The following SLC25A21 variants were observed in gnomAD, a reference collection of about 807,000 sequenced individuals.
SLC25A21 encodes mitochondrial 2-oxodicarboxylate carrier.
Under a neutral mutation model 43.8 loss-of-function variants are expected in SLC25A21, and 47 were observed. The ratio of observed to expected loss-of-function variants is 1.07; its 90% CI spans 0.85 to 1.37. The LOEUF is 1.37. Ranked by LOEUF, SLC25A21 falls within the 40% of genes most tolerant of loss-of-function variation. The probability of loss-of-function intolerance (pLI) is 0.00; values close to 1 mark genes in which losing one functional copy is unlikely to be tolerated. For synonymous variants in SLC25A21, 131 were observed against 121.3 expected, an observed-to-expected ratio of 1.08 and a Z score of -0.52; for missense variants, 352 against 350.2, an observed-to-expected ratio of 1.00 and a Z score of -0.04.
intron 3 of SLC25A21, among the ~76,000 whole-genome samples, chr14:36,761,984 A>T (rs1177210002): frequency 1.3e-5 from 2 of 152,220 alleles, no homozygotes; most frequent in Non-Finnish European, 2.9e-5. Flanking sequence ...GTATAGCTCA[A>T]ATCTATTCAT....
chr14:37,051,198 A>T (rs1275647869), intron 1 of SLC25A21, among the ~76,000 whole-genome samples: 1 of 152,232 alleles, frequency 6.6e-6, no homozygotes, highest in Non-Finnish European at 1.5e-5. Context: ...AAATATTTTT[A>T]AAAGTAAGTT....
intron 1 of SLC25A21, among the ~76,000 whole-genome samples, chr14:37,121,027 A>G (rs1440179578): frequency 6.6e-6 from 1 of 152,172 alleles, no homozygotes; most frequent in Non-Finnish European, 1.5e-5. Flanking sequence ...TTCTTCGCAA[A>G]AAGTATTATG....
intron 1 of SLC25A21, among the ~76,000 whole-genome samples, chr14:37,016,423 C>T (rs1408563500): frequency 3.3e-5 from 5 of 152,114 alleles, no homozygotes; most frequent in Admixed American, 1.3e-4. Context: ...GGTACCAGTA[C>T]CATGCTGTTT....
At chr14:36,831,032 AT>A (rs1566656168) in intron 2 of SLC25A21, among the ~76,000 whole-genome samples, 1 of 152,200 alleles carries the variant, frequency 6.6e-6, no homozygotes, top group African/African-American at 2.4e-5. Context: ...GTAGATAGCA[AT>A]TTATATTTGT....
At chr14:37,123,845 G>C (rs767658101) in intron 1 of SLC25A21, among the ~76,000 whole-genome samples, 1 of 152,008 alleles carries the variant, frequency 6.6e-6, no homozygotes, top group South Asian at 2.1e-4. Flanking sequence ...GTGACATAGT[G>C]AGAACTCGTC....
chr14:36,743,285 T>C (rs1033516503), intron 3 of SLC25A21, among the ~76,000 whole-genome samples: 1 of 152,178 alleles, frequency 6.6e-6, no homozygotes, highest in Non-Finnish European at 1.5e-5. Flanking sequence ...AAGAAACTTA[T>C]TTATAACTGA....
At chr14:37,024,745 A>G (rs1317361080) in intron 1 of SLC25A21, among the ~76,000 whole-genome samples, 1 of 152,014 alleles carries the variant, frequency 6.6e-6, no homozygotes, top group African/African-American at 2.4e-5. Context: ...AAAACAAATT[A>G]CTCAACAAAG....
At chr14:36,695,475 G>T (rs945998728) in intron 7 of SLC25A21, among the ~76,000 whole-genome samples, 3 of 152,134 alleles carry the variant, frequency 2.0e-5, no homozygotes, top group Non-Finnish European at 2.9e-5. Flanking sequence ...GATGGGGATG[G>T]CATTGAATCT....
chr14:36,736,167 C>T (rs898096756), intron 3 of SLC25A21, among the ~76,000 whole-genome samples: 2 of 152,056 alleles, frequency 1.3e-5, no homozygotes, highest in African/African-American at 4.8e-5. Context: ...GATCTCCTGA[C>T]CTCGTGATCC....
chr14:36,687,574 C>T (rs1457654553), intron 7 of SLC25A21, among the ~76,000 whole-genome samples: 1 of 152,198 alleles, frequency 6.6e-6, no homozygotes, highest in Non-Finnish European at 1.5e-5. Context: ...ATGAGGCTAT[C>T]ACTGACCACC....
In SLC25A21 at chr14:37,043,407, C is replaced by T. The variant is rs757488246; in HGVS notation, c.70+128874G>A. Among the ~76,000 whole-genome samples, 11 of 152,206 alleles carry T rather than the reference C, an allele frequency of 7.2e-5. No individual in the cohort carries two copies. The South Asian group carries it at 1.2e-3, about 17-fold the overall frequency. On this transcript the variant is annotated intron_variant, in intron 1 of 9. Transcript: ENST00000331299. ...GGATATACCTGTTTTCATTCCTCCA[C>T]ACACTCCAGTCTGAGCTCCAATCAT...
chr14:36,884,937 A>G (rs1890871327), intron 1 of SLC25A21, among the ~76,000 whole-genome samples: 1 of 152,120 alleles, frequency 6.6e-6, no homozygotes, highest in Non-Finnish European at 1.5e-5. Flanking sequence ...CACTCTCTTA[A>G]TAATGCCCTT....
intron 1 of SLC25A21, among the ~76,000 whole-genome samples, chr14:37,110,530 C>T (rs1227751381): frequency 6.6e-6 from 1 of 152,068 alleles, no homozygotes; most frequent in Non-Finnish European, 1.5e-5. Context: ...AATAAAGATA[C>T]AATGAAGGCA....
chr14:36,883,134 T>C (rs1200959688), intron 1 of SLC25A21, among the ~76,000 whole-genome samples: 1 of 152,164 alleles, frequency 6.6e-6, no homozygotes, highest in Admixed American at 6.6e-5. Context: ...TTTCATGTCA[T>C]TCTTCTGGTC....
At chr14:36,878,083 C>T (rs1890598104) in intron 1 of SLC25A21, among the ~76,000 whole-genome samples, 1 of 152,106 alleles carries the variant, frequency 6.6e-6, no homozygotes, top group African/African-American at 2.4e-5. Context: ...TATTCACTTG[C>T]AAGTACAACA....
intron 1 of SLC25A21, among the ~76,000 whole-genome samples, chr14:36,891,024 T>G (rs1311286506): frequency 6.6e-6 from 1 of 152,212 alleles, no homozygotes; most frequent in African/African-American, 2.4e-5. Flanking sequence ...TAATCGACAG[T>G]ATTAAGTCCT....
intron 1 of SLC25A21, among the ~76,000 whole-genome samples, chr14:36,993,365 A>G (rs1245810164): frequency 1.3e-5 from 2 of 152,198 alleles, no homozygotes; most frequent in Admixed American, 6.5e-5. Context: ...TTAAAAATAA[A>G]AAGTGAATCA....
intron 1 of SLC25A21, among the ~76,000 whole-genome samples, chr14:37,097,354 G>A (rs1372892476): frequency 6.6e-6 from 1 of 152,034 alleles, no homozygotes; most frequent in Non-Finnish European, 1.5e-5. Context: ...GCTCACCTTG[G>A]CCTCCCAAAG....
In SLC25A21 at chr14:36,986,230, T is replaced by C. The variant is rs1338466992; in HGVS notation, c.71-111226A>G. Among the ~76,000 whole-genome samples the C allele has an allele frequency of 1.3e-5, 2 of 152,150 alleles. 1 individual carries two copies. Among genetic ancestry groups the C allele is most frequent in the Non-Finnish European group, 2.9e-5 (2 of 68,024 alleles). ...TTTAATTATTTCTATAATCTACATA[T>C]TAAAAACCATAAATTCACAGCAATA... On this transcript the variant is annotated intron_variant, in intron 1 of 9. Coordinates refer to ENST00000331299, the MANE Select transcript of SLC25A21 (RefSeq NM_030631.4).
Sources: gnomAD v4.1 joint callset for allele counts (sites outside exome capture counted in the v4.1 genomes callset) on GRCh38, gnomAD v4.1.1 for gene constraint, MANE v1.5 for transcripts, NCBI Gene and HGNC (gene_info 2026-07-23, HGNC 2026-07-21) for gene names.